Variants in PBX3 observed in about 807,000 individuals in gnomAD.
PBX3 encodes the protein pre-B-cell leukemia transcription factor 3.
A neutral mutation model predicts 48.5 loss-of-function variants in PBX3; 14 were observed. That is an observed-to-expected ratio of 0.29 (90% confidence interval 0.19 to 0.45). PBX3 has a LOEUF of 0.45. PBX3 is among the 20% of genes least tolerant of loss of function. The probability of loss-of-function intolerance (pLI) is 1.00; values close to 1 mark genes in which losing one functional copy is unlikely to be tolerated. For missense variants in PBX3, 386 were observed against 546.7 expected (o/e 0.71, Z 2.93); for synonymous variants, 210 against 200.3 (o/e 1.05, Z -0.41).
At position 125,844,929 on chromosome 9, in the gene PBX3, G is replaced by A. The variant is rs1348784752; in HGVS notation, c.275-70757G>A. The A allele has an allele frequency of 3.3e-5, 5 of 152,144 alleles. No individual in the cohort carries two copies. The East Asian group carries it at 9.6e-4, about 29-fold the overall frequency. 9.4% of individuals were successfully genotyped at this position (152,144 alleles called of 1,614,324 possible). The stretch of plus-strand genomic sequence containing the variant: ...GGTTCAGCACCATTTCTCTCTGACT[G>A]TGACCGTCCTGGATCACTGGCTAGC... On this transcript the variant is annotated intron_variant, in intron 2 of 8. Coordinates refer to ENST00000373489, the MANE Select transcript of PBX3 (RefSeq NM_006195.6).
At chr9:125,842,798 G>C (rs763909496) in intron 2 of PBX3, among the ~76,000 whole-genome samples, 2 of 152,054 alleles carry the variant, frequency 1.3e-5, no homozygotes, top group Non-Finnish European at 2.9e-5. Flanking sequence ...TTGTTTTTGT[G>C]AAGTCCTTTG....
intron 2 of PBX3, among the ~76,000 whole-genome samples, chr9:125,881,769 C>T (rs1840387098): frequency 6.6e-6 from 1 of 151,950 alleles, no homozygotes; most frequent in Non-Finnish European, 1.5e-5. Flanking sequence ...AAAATTATTA[C>T]TTAGATGTAT....
Position 125,966,075 on chromosome 9 carries a change from A to T in PBX3, c.*152A>T, listed in dbSNP as rs1301796355. ...AACTTGGTAAATCTGTTTTTTAAGG[A>T]ATCATAATCATTTGTATTTATACTT... is the stretch of plus-strand genomic sequence containing the variant. On this transcript the variant is annotated 3_prime_UTR_variant, in exon 9 of 9. Transcript: ENST00000373489. The T allele has an allele frequency of 5.7e-6, 3 of 522,320 alleles. No individual in the cohort carries two copies. The highest frequency in any genetic ancestry group is 1.0e-5 in the Non-Finnish European group (3 of 291,762). 32.4% of individuals were successfully genotyped at this position (522,320 alleles called of 1,614,324 possible).
intron 2 of PBX3, among the ~76,000 whole-genome samples, chr9:125,839,270 A>G (rs1490091686): frequency 1.3e-5 from 2 of 152,216 alleles, no homozygotes; most frequent in Admixed American, 6.5e-5. Context: ...ACTATTAACA[A>G]TAATTTTTGA....
intron 5 of PBX3, among the ~76,000 whole-genome samples, chr9:125,955,187 C>T (rs915949741): frequency 2.0e-5 from 3 of 151,778 alleles, no homozygotes; most frequent in African/African-American, 7.2e-5. Flanking sequence ...TCTCAGGCTC[C>T]GTTTCAGCTC....
Position 125,963,084 on chromosome 9 carries a change from A to G in PBX3, c.1195A>G (p.Ser399Gly), listed in dbSNP as rs1475865760. Residue 399 changes from serine (S) to glycine (G), a missense_variant, in exon 8 of 9, where the codon AGT becomes GGT. By Grantham distance (56) the Ser-to-Gly change is moderately conservative. Transcript: ENST00000373489. The stretch of plus-strand genomic sequence containing the variant: ...TGGCCTTGGAGGAAATTCACTGTAC[A>G]GTCCACATAATTTAAATGTGAGTAC... ...SDGLGGNSLY[S>G]PHNLNANGGW... is the part of the protein sequence containing the mutation. 1.3e-6 allele frequency: 2 copies of G among 1,597,468 alleles called. No individual in the cohort carries two copies. Among genetic ancestry groups the G allele is most frequent in the South Asian group, 1.1e-5 (1 of 89,290 alleles).
At chr9:125,758,381 G>C (rs1836577924) in intron 2 of PBX3, among the ~76,000 whole-genome samples, 1 of 151,774 alleles carries the variant, frequency 6.6e-6, no homozygotes, top group Non-Finnish European at 1.5e-5. Context: ...ATATTTTGCA[G>C]AATATTGACA....
intron 2 of PBX3, among the ~76,000 whole-genome samples, chr9:125,838,442 A>G (rs1839200271): frequency 6.6e-6 from 1 of 152,230 alleles, no homozygotes; most frequent in African/African-American, 2.4e-5. Flanking sequence ...ATCACACTAC[A>G]AACTGCTTTC....
chr9:125,796,349 C>G (rs929173517), intron 2 of PBX3, among the ~76,000 whole-genome samples: 20 of 152,148 alleles, frequency 1.3e-4, no homozygotes, highest in African/African-American at 4.6e-4. Context: ...ACTATTTACA[C>G]TAAGTGGGAT....
At position 125,822,461 on chromosome 9, in the gene PBX3, T is replaced by C. The variant is rs185489197; in HGVS notation, c.274+73838T>C. Among the ~76,000 whole-genome samples the C allele has an allele frequency of 8.3e-4, 126 of 152,272 alleles. 2 individuals carry two copies. The highest frequency in any genetic ancestry group is 2.8e-3 in the African/African-American group (118 of 41,576). On this transcript the variant is annotated intron_variant, in intron 2 of 8. Coordinates refer to ENST00000373489, the MANE Select transcript of PBX3 (RefSeq NM_006195.6). The stretch of plus-strand genomic sequence containing the variant: ...TTTAAAGGAGGTACTCTTCTTTTTT[T>C]CCCTGTTCTCCAGAGTTTAAAAACG...
chr9:125,963,219 G>A (rs575432521), intron 8 of PBX3, 118 bp downstream of exon 8: 3 of 524,592 alleles, frequency 5.7e-6, no homozygotes, highest in South Asian at 3.7e-5. Flanking sequence ...GGAAGGCAGC[G>A]TCTTTGCTGC....
At chr9:125,763,092 C>G (rs962197732) in intron 2 of PBX3, among the ~76,000 whole-genome samples, 27 of 152,120 alleles carry the variant, frequency 1.8e-4, no homozygotes, top group African/African-American at 5.8e-4. Context: ...AGTCTCTCAG[C>G]AAATACAGTG....
chr9:125,860,801 C>G (rs1474222549), intron 2 of PBX3, among the ~76,000 whole-genome samples: 1 of 148,102 alleles, frequency 6.8e-6, no homozygotes, highest in Non-Finnish European at 1.5e-5. Flanking sequence ...GCAGGAGAAT[C>G]ACGTGAACCC....
At chr9:125,870,020 G>A (rs1840078967) in intron 2 of PBX3, among the ~76,000 whole-genome samples, 1 of 151,496 alleles carries the variant, frequency 6.6e-6, no homozygotes, top group Non-Finnish European at 1.5e-5. Context: ...ATGGCGAAAG[G>A]CACATCTTTT....
Position 125,848,678 on chromosome 9 carries a change from G to A in PBX3, c.275-67008G>A, listed in dbSNP as rs964051133. ...ATTAAGTTTATTGAAATTCTAATTC[G>A]TTCAAAAAGGTTTACTGAGTGCCTA... On this transcript the variant is annotated intron_variant, in intron 2 of 8. Coordinates refer to ENST00000373489, the MANE Select transcript of PBX3 (RefSeq NM_006195.6). 3.9e-4 allele frequency among the ~76,000 whole-genome samples: 59 copies of A among 151,848 alleles called. 1 individual carries two copies. The highest frequency in any genetic ancestry group is 2.5e-4 in the Non-Finnish European group (17 of 67,892).
At chr9:125,910,901 G>A (rs1216936000) in intron 2 of PBX3, among the ~76,000 whole-genome samples, 3 of 151,936 alleles carry the variant, frequency 2.0e-5, no homozygotes, top group Admixed American at 6.6e-5. Flanking sequence ...TGAAATTCAG[G>A]TGCAAATATT....
At chr9:125,761,236 T>C (rs939585864) in intron 2 of PBX3, among the ~76,000 whole-genome samples, 1 of 152,088 alleles carries the variant, frequency 6.6e-6, no homozygotes, top group Non-Finnish European at 1.5e-5. Flanking sequence ...CTAGATCCTT[T>C]AGCTACATTC....
At chr9:125,925,405 A>G (rs1443356275) in intron 3 of PBX3, among the ~76,000 whole-genome samples, 15 of 152,250 alleles carry the variant, frequency 9.9e-5, no homozygotes, top group South Asian at 4.1e-4. Flanking sequence ...GAGTACAAAA[A>G]AGGAATGAAA....
chr9:125,767,536 G>A (rs1223422975), intron 2 of PBX3, among the ~76,000 whole-genome samples: 2 of 152,158 alleles, frequency 1.3e-5, no homozygotes, highest in Non-Finnish European at 2.9e-5. Context: ...TGTTTTTAGT[G>A]TAGTTTCCTA....
Sources: gnomAD v4.1 joint callset for allele counts (sites outside exome capture counted in the v4.1 genomes callset) on GRCh38, gnomAD v4.1.1 for gene constraint, MANE v1.5 for transcripts, NCBI Gene and HGNC (gene_info 2026-07-23, HGNC 2026-07-21) for gene names.